The following ELAVL2 variants were observed in gnomAD, a reference collection of about 807,000 sequenced individuals.
ELAVL2 encodes ELAV-like protein 2.
ELAVL2 carries 4 observed loss-of-function variants against 34.6 expected under a neutral mutation model. The observed-to-expected ratio is 0.12, with a 90% CI of 0.06 to 0.26. The LOEUF (loss-of-function observed/expected upper bound fraction) is 0.26. Ranked by LOEUF, ELAVL2 falls within the 10% of genes least tolerant of loss-of-function variation. The probability of loss-of-function intolerance (pLI) is 1.00; values close to 1 mark genes in which losing one functional copy is unlikely to be tolerated. For synonymous variants in ELAVL2, 193 were observed against 154.8 expected (o/e 1.25, Z -1.83); for missense variants, 432 against 442.8 (o/e 0.98, Z 0.22).
At chr9:23,792,136 A>C (rs1461777020) in intron 1 of ELAVL2, among the ~76,000 whole-genome samples, 1 of 152,216 alleles carries the variant, frequency 6.6e-6, no homozygotes, top group African/African-American at 2.4e-5. Flanking sequence ...TGAAACATTC[A>C]ACACTTTTAT....
chr9:23,773,919 T>G (rs573960001), intron 1 of ELAVL2, among the ~76,000 whole-genome samples: 2 of 152,138 alleles, frequency 1.3e-5, no homozygotes, highest in African/African-American at 4.8e-5. Context: ...CATAGAAAAT[T>G]TGCTTATCTG....
chr9:23,812,263 A>G (rs902405394), intron 1 of ELAVL2, among the ~76,000 whole-genome samples: 1 of 152,166 alleles, frequency 6.6e-6, no homozygotes, highest in Non-Finnish European at 1.5e-5. Flanking sequence ...AGTATTACAC[A>G]ATCTTCCTGG....
At chr9:23,803,751 G>A (rs984948236) in intron 1 of ELAVL2, among the ~76,000 whole-genome samples, 1 of 152,126 alleles carries the variant, frequency 6.6e-6, no homozygotes, top group African/African-American at 2.4e-5. Flanking sequence ...CGGGTGGGGT[G>A]GGGGGACAAG....
chr9:23,727,214 C>G, intron 3 of ELAVL2, among the ~76,000 whole-genome samples: 1 of 152,096 alleles, frequency 6.6e-6, no homozygotes, highest in East Asian at 1.9e-4. Context: ...TCTGGGACAT[C>G]TCCTTAACCA....
At chr9:23,699,825 T>G (rs958637718) in intron 5 of ELAVL2, among the ~76,000 whole-genome samples, 14 of 40,284 alleles carry the variant, frequency 3.5e-4, no homozygotes, top group Non-Finnish European at 5.4e-4. Flanking sequence ...TTTTTTTTTT[T>G]TTTTTTTTTT....
intron 3 of ELAVL2, among the ~76,000 whole-genome samples, chr9:23,711,002 T>C (rs188056649): frequency 6.6e-6 from 1 of 152,252 alleles, no homozygotes; most frequent in Admixed American, 6.5e-5. Flanking sequence ...TTCAAACTCC[T>C]ACCAGGAACA....
At chr9:23,764,346 C>A (rs543997782) in intron 1 of ELAVL2, among the ~76,000 whole-genome samples, 2 of 152,280 alleles carry the variant, frequency 1.3e-5, no homozygotes, top group African/African-American at 4.8e-5. Flanking sequence ...CACTTAATTG[C>A]ACATTTATTT....
At chr9:23,806,849 C>T (rs2062296375) in intron 1 of ELAVL2, among the ~76,000 whole-genome samples, 1 of 152,084 alleles carries the variant, frequency 6.6e-6, no homozygotes, top group African/African-American at 2.4e-5. Context: ...ACTCTCATAC[C>T]TGCTGTCCCT....
At chr9:23,714,384 A>G (rs754780453) in intron 3 of ELAVL2, among the ~76,000 whole-genome samples, 4 of 152,196 alleles carry the variant, frequency 2.6e-5, no homozygotes. Context: ...GATAATTATT[A>G]AAGTTAATTC....
upstream of ELAVL2, among the ~76,000 whole-genome samples, chr9:23,828,903 T>C (rs1326690327): frequency 1.3e-5 from 2 of 152,222 alleles, no homozygotes; most frequent in African/African-American, 2.4e-5. Context: ...AGATTTCACT[T>C]TGAAATTCAT....
At chr9:23,720,567 G>A (rs1445726689) in intron 3 of ELAVL2, among the ~76,000 whole-genome samples, 2 of 152,096 alleles carry the variant, frequency 1.3e-5, no homozygotes, top group East Asian at 3.9e-4. Context: ...TTGTAATGTT[G>A]AAGTATTTAA....
At chr9:23,846,402 ATTT>A in the ELAVL2 span, among the ~76,000 whole-genome samples, 1 of 151,968 alleles carries the variant, frequency 6.6e-6, no homozygotes, top group Non-Finnish European at 1.5e-5. Context: ...ATCATATAAC[ATTT>A]TATGACATTA....
chr9:23,701,667 G>C, intron 4 of ELAVL2, 63 bp from the exon 5 acceptor site: 2 of 1,517,204 alleles, frequency 1.3e-6, no homozygotes, highest in Non-Finnish European at 1.8e-6. Context: ...AAGGAGAGAA[G>C]AAAGGACACA....
At chr9:23,699,254 C>T (rs2036316982) in intron 5 of ELAVL2, among the ~76,000 whole-genome samples, 1 of 152,132 alleles carries the variant, frequency 6.6e-6, no homozygotes, top group Non-Finnish European at 1.5e-5. Flanking sequence ...AGGGCTGACA[C>T]CCATCAACAA....
intron 1 of ELAVL2, among the ~76,000 whole-genome samples, chr9:23,800,145 T>C (rs2061411118): frequency 6.6e-6 from 1 of 152,198 alleles, no homozygotes; most frequent in Non-Finnish European, 1.5e-5. Flanking sequence ...AAGTAGCTAA[T>C]AATGAGGGCT....
chr9:23,742,093 A>G (rs1361426032), intron 2 of ELAVL2, among the ~76,000 whole-genome samples: 2 of 152,288 alleles, frequency 1.3e-5, no homozygotes, highest in Admixed American at 1.3e-4. Flanking sequence ...CATAATACCC[A>G]GAGATTAATA....
chr9:23,757,953 G>C (rs1362230514), intron 2 of ELAVL2, among the ~76,000 whole-genome samples: 1 of 152,030 alleles, frequency 6.6e-6, no homozygotes, highest in Non-Finnish European at 1.5e-5. Flanking sequence ...TTGTTCCTTA[G>C]ATATAGTTTC....
intron 2 of ELAVL2, among the ~76,000 whole-genome samples, chr9:23,752,662 C>T (rs1311309695): frequency 6.6e-6 from 1 of 152,064 alleles, no homozygotes; most frequent in African/African-American, 2.4e-5. Context: ...ACCATGTTGG[C>T]CAGGCTGGCC....
upstream of ELAVL2, among the ~76,000 whole-genome samples, chr9:23,828,361 C>T (rs2065394782): frequency 1.3e-5 from 2 of 152,062 alleles, no homozygotes; most frequent in South Asian, 4.1e-4. Flanking sequence ...TAAATCTTTA[C>T]CATTATAATT....
Sources: gnomAD v4.1 joint callset for allele counts (sites outside exome capture counted in the v4.1 genomes callset) on GRCh38, gnomAD v4.1.1 for gene constraint, MANE v1.5 for transcripts, NCBI Gene and HGNC (gene_info 2026-07-23, HGNC 2026-07-21) for gene names.